TRPC7: variants seen among roughly 807,000 people sequenced by gnomAD.
The protein encoded by TRPC7 is short transient receptor potential channel 7.
TRPC7 carries 42 observed loss-of-function variants against 90.1 expected under a neutral mutation model. That is an observed-to-expected ratio of 0.47 (90% CI 0.36 to 0.60). The LOEUF (loss-of-function observed/expected upper bound fraction) is 0.60. TRPC7 is among the 20% of genes least tolerant of loss of function. TRPC7 has a pLI of 0.00. For synonymous variants in TRPC7, 451 were observed against 436.3 expected (o/e 1.03, Z -0.42); for missense variants, 955 against 1,112.3 (o/e 0.86, Z 2.01).
chr5:136,281,743 A>T (rs1757557899), intron 3 of TRPC7, among the ~76,000 whole-genome samples: 1 of 152,210 alleles, frequency 6.6e-6, no homozygotes, highest in Non-Finnish European at 1.5e-5. Flanking sequence ...TGGAATGTCC[A>T]TAATGATGAC....
chr5:136,322,938 C>T (rs1012640720), intron 2 of TRPC7, among the ~76,000 whole-genome samples: 6 of 152,134 alleles, frequency 3.9e-5, no homozygotes, highest in Non-Finnish European at 8.8e-5. Context: ...TTCACATTCT[C>T]TTAGTAGTAT....
chr5:136,305,556 C>T (rs965199132), intron 3 of TRPC7, among the ~76,000 whole-genome samples: 35 of 152,106 alleles, frequency 2.3e-4, no homozygotes, highest in African/African-American at 7.5e-4. Context: ...CATGCCCCAA[C>T]TCAGCAAACT....
At chr5:136,308,871 A>G (rs978908208) in intron 3 of TRPC7, among the ~76,000 whole-genome samples, 1 of 152,232 alleles carries the variant, frequency 6.6e-6, no homozygotes, top group Non-Finnish European at 1.5e-5. Flanking sequence ...TCAGGCTCCC[A>G]GCCATAATAC....
chr5:136,358,489 G>A (rs1234497979), intron 1 of TRPC7, among the ~76,000 whole-genome samples: 1 of 152,154 alleles, frequency 6.6e-6, no homozygotes, highest in Non-Finnish European at 1.5e-5. Context: ...TAAGAGTAGG[G>A]GGGCTGAAAG....
chr5:136,362,749 G>GT (rs1404661475), intron 1 of TRPC7, among the ~76,000 whole-genome samples: 3 of 151,866 alleles, frequency 2.0e-5, no homozygotes, highest in East Asian at 1.9e-4. Context: ...TTGTCTTTCT[G>GT]TTTTTTTGTT....
intron 5 of TRPC7, among the ~76,000 whole-genome samples, chr5:136,262,032 C>T (rs551862822): frequency 1.3e-5 from 2 of 152,296 alleles, no homozygotes; most frequent in East Asian, 1.9e-4. Flanking sequence ...TCTCACATCC[C>T]ATATACAATC....
chr5:136,322,381 C>T (rs551007229), intron 2 of TRPC7, among the ~76,000 whole-genome samples: 11 of 152,220 alleles, frequency 7.2e-5, no homozygotes, highest in East Asian at 1.9e-4. Context: ...TGCCTAGGAG[C>T]GGGATTGCTG....
intron 3 of TRPC7, among the ~76,000 whole-genome samples, chr5:136,284,311 G>A (rs759883554): frequency 3.9e-5 from 6 of 152,186 alleles, no homozygotes; most frequent in Admixed American, 1.3e-4. Context: ...ATGTGCACAC[G>A]TGTGTGTGTA....
chr5:136,315,961 G>A (rs896081389), intron 2 of TRPC7, 182 bp from the exon 3 acceptor site: 20 of 609,950 alleles, frequency 3.3e-5, no homozygotes, highest in Non-Finnish European at 4.9e-5. Context: ...CTCTTGACAC[G>A]TGACCTGAAG....
In TRPC7 at chr5:136,310,747, C is replaced by G. The variant is rs567363820; in HGVS notation, c.963+4850G>C. 8.5e-5 allele frequency among the ~76,000 whole-genome samples: 13 copies of G among 152,264 alleles called. No homozygotes were observed. In the South Asian group the frequency reaches 1.9e-3, roughly 22 times the overall value. ...TGAAGTACTTAAGAGACTTCCCCCA[C>G]CCCACTGCAAAGGCTGCTGCTATTA... is the stretch of plus-strand genomic sequence containing the variant. On this transcript the variant is annotated intron_variant, in intron 3 of 11. Transcript: ENST00000513104.
chr5:136,224,473 G>A (rs549581255), intron 10 of TRPC7, among the ~76,000 whole-genome samples: 1 of 152,316 alleles, frequency 6.6e-6, no homozygotes, highest in African/African-American at 2.4e-5. Flanking sequence ...AAACCTGTGA[G>A]CCATGCTGGG....
At chr5:136,354,330 T>C (rs989241939) in intron 2 of TRPC7, among the ~76,000 whole-genome samples, 1 of 152,142 alleles carries the variant, frequency 6.6e-6, no homozygotes. Flanking sequence ...ATCCACTAAG[T>C]TTTTCAGATG....
intron 2 of TRPC7, among the ~76,000 whole-genome samples, chr5:136,332,441 A>T (rs910142858): frequency 1.1e-4 from 16 of 152,128 alleles, no homozygotes; most frequent in African/African-American, 3.6e-4. Context: ...CATATGATTT[A>T]TGCTGTAAGA....
intron 2 of TRPC7, among the ~76,000 whole-genome samples, chr5:136,349,451 G>C (rs968549057): frequency 6.6e-6 from 1 of 152,150 alleles, no homozygotes; most frequent in African/African-American, 2.4e-5. Flanking sequence ...CTGAGAAACA[G>C]AGAGATCTTC....
At chr5:136,310,865 C>T (rs867893309) in intron 3 of TRPC7, among the ~76,000 whole-genome samples, 1 of 151,964 alleles carries the variant, frequency 6.6e-6, no homozygotes, top group African/African-American at 2.4e-5. Flanking sequence ...CTTGGAAGGC[C>T]GAGCTCAGTG....
At chr5:136,218,619 C>T (rs1343763971) in intron 10 of TRPC7, among the ~76,000 whole-genome samples, 1 of 152,156 alleles carries the variant, frequency 6.6e-6, no homozygotes, top group East Asian at 1.9e-4. Flanking sequence ...GTTTGGTGTG[C>T]ACATTTTGTA....
At chr5:136,313,258 C>G (rs1328056664) in intron 3 of TRPC7, among the ~76,000 whole-genome samples, 1 of 152,162 alleles carries the variant, frequency 6.6e-6, no homozygotes, top group South Asian at 2.1e-4. Flanking sequence ...CATGGAACTG[C>G]TAAGACCAAC....
chr5:136,258,813 G>T (rs550250832), intron 5 of TRPC7, among the ~76,000 whole-genome samples: 76 of 152,312 alleles, frequency 5.0e-4, no homozygotes, highest in African/African-American at 1.6e-3. Flanking sequence ...GCCCCCAGGG[G>T]CTACTGTCCC....
At chr5:136,300,075 T>C (rs1758322476) in intron 3 of TRPC7, among the ~76,000 whole-genome samples, 1 of 152,248 alleles carries the variant, frequency 6.6e-6, no homozygotes, top group African/African-American at 2.4e-5. Flanking sequence ...TATCCTTTCA[T>C]GCAACTACTT....
Sources: allele counts gnomAD v4.1 joint callset (sites outside exome capture counted in the v4.1 genomes callset), GRCh38; gene constraint gnomAD v4.1.1; transcripts MANE v1.5; gene names NCBI Gene and HGNC (gene_info 2026-07-23, HGNC 2026-07-21).